KIAA0825: variants seen among roughly 807,000 people sequenced by gnomAD.
KIAA0825 encodes the protein KIAA0825.
Under a neutral mutation model 147.6 loss-of-function variants are expected in KIAA0825, and 119 were observed. That is an observed-to-expected ratio of 0.81 (90% confidence interval 0.69 to 0.94). The LOEUF (loss-of-function observed/expected upper bound fraction) is 0.94. Ranked by LOEUF, KIAA0825 falls within the 40% of genes least tolerant of loss-of-function variation. The probability of loss-of-function intolerance (pLI) is 0.00; values close to 1 mark genes in which losing one functional copy is unlikely to be tolerated. For missense variants in KIAA0825, 1,381 were observed against 1,472.7 expected (o/e 0.94, Z 1.02); for synonymous variants, 470 against 518.1 (o/e 0.91, Z 1.26).
intron 1 of KIAA0825, among the ~76,000 whole-genome samples, chr5:94,601,411 C>T (rs1215769734): frequency 6.6e-6 from 1 of 152,076 alleles, no homozygotes; most frequent in East Asian, 1.9e-4. Context: ...TCAGCAACCT[C>T]AAAGAATAAA....
intron 7 of KIAA0825, among the ~76,000 whole-genome samples, chr5:94,475,179 G>C (rs1347294605): frequency 6.6e-6 from 1 of 151,968 alleles, no homozygotes; most frequent in East Asian, 1.9e-4. Flanking sequence ...CATAGTTATA[G>C]CCCTGTGCTA....
intron 16 of KIAA0825, among the ~76,000 whole-genome samples, chr5:94,403,239 G>A (rs79852219): frequency 0.044 from 6,710 of 152,212 alleles, 191 homozygotes; most frequent in East Asian, 0.11. Context: ...TTTCTCTAGA[G>A]TATGGATTTT....
At chr5:94,212,040 T>G (rs1173068910) in intron 20 of KIAA0825, among the ~76,000 whole-genome samples, 2 of 152,210 alleles carry the variant, frequency 1.3e-5, no homozygotes, top group Admixed American at 1.3e-4. Flanking sequence ...ATGGCTGCCT[T>G]AATCTATGCT....
At chr5:94,504,524 C>A (rs906657615) in intron 5 of KIAA0825, among the ~76,000 whole-genome samples, 2 of 151,992 alleles carry the variant, frequency 1.3e-5, no homozygotes, top group Non-Finnish European at 2.9e-5. Context: ...TGAGTGATTC[C>A]AAAATGGTAT....
intron 1 of KIAA0825, among the ~76,000 whole-genome samples, chr5:94,595,994 T>C (rs929370920): frequency 1.3e-5 from 2 of 152,200 alleles, no homozygotes; most frequent in African/African-American, 4.8e-5. Context: ...GCCTGGACTT[T>C]ATTGCCAGAT....
chr5:94,410,084 T>G (rs187948859), intron 15 of KIAA0825, among the ~76,000 whole-genome samples: 1 of 151,180 alleles, frequency 6.6e-6, no homozygotes. Context: ...TAAGAATATT[T>G]AAATGAGAAG....
At chr5:94,214,266 G>A (rs189615724) in intron 20 of KIAA0825, among the ~76,000 whole-genome samples, 154 of 152,122 alleles carry the variant, frequency 1.0e-3, no homozygotes, top group African/African-American at 3.6e-3. Flanking sequence ...TGGAAAAGAG[G>A]ATCTCTATAA....
intron 12 of KIAA0825, among the ~76,000 whole-genome samples, chr5:94,453,339 A>ATTTTT (rs563316235): frequency 9.3e-5 from 11 of 118,236 alleles, no homozygotes; most frequent in Non-Finnish European, 8.7e-5. Context: ...CGTGTGGCTG[A>ATTTTT]TTTTTTTTTT....
At position 94,520,436 on chromosome 5, in the gene KIAA0825, G is replaced by A. The variant is rs1467761895; in HGVS notation, c.782C>T (p.Thr261Ile). Residue 261 changes from threonine to isoleucine, a missense_variant, in exon 5 of 21, where the codon ACA becomes ATA. Physicochemically the swap from Thr to Ile is moderately conservative, Grantham distance 89 (BLOSUM62 -1). Coordinates refer to ENST00000682413, the MANE Select transcript of KIAA0825 (RefSeq NM_001145678.3). Reference protein sequence around the residue: ...LYSVIKEDFNTLCEILAPSSM... With the variant: ...LYSVIKEDFNILCEILAPSSM... Reference sequence around the variant, plus strand: ...AGATGGAGCTAAAATTTCACATAGTGTGTTAAAATCCTCTTTTATTACTGA... The same window carrying A: ...AGATGGAGCTAAAATTTCACATAGTATGTTAAAATCCTCTTTTATTACTGA... 2 of 1,612,368 alleles carry A rather than the reference G, an allele frequency of 1.2e-6. No individual in the cohort carries two copies. Among genetic ancestry groups the A allele is most frequent in the Non-Finnish European group, 1.7e-6 (2 of 1,178,788 alleles).
intron 20 of KIAA0825, among the ~76,000 whole-genome samples, chr5:94,232,457 G>A (rs147215238): frequency 3.3e-5 from 5 of 152,176 alleles, no homozygotes; most frequent in African/African-American, 1.2e-4. Flanking sequence ...TTTTAGTTAT[G>A]TTTTAATAAA....
chr5:94,194,244 C>G (rs1280913704), intron 20 of KIAA0825, among the ~76,000 whole-genome samples: 2 of 152,154 alleles, frequency 1.3e-5, no homozygotes, highest in Non-Finnish European at 2.9e-5. Context: ...GGCCTTCACA[C>G]CACTCTCCTG....
chr5:94,190,315 T>TTTTG lies in KIAA0825; in HGVS notation c.3711-36195_3711-36192dup, dbSNP rs376464492. On this transcript the variant is annotated intron_variant, in intron 20 of 20. Coordinates refer to ENST00000682413, the MANE Select transcript of KIAA0825 (RefSeq NM_001145678.3). ...TGGCCAAAATATCTAATACGATGTTTTTTGTTTGTTTGTTTGTTTGTTTGT... is the reference window on the plus strand; with the variant it reads ...TGGCCAAAATATCTAATACGATGTTTTTTGTTTGTTTGTTTGTTTGTTTGTTTGT... Among the ~76,000 whole-genome samples the TTTTG allele has an allele frequency of 2.8e-3, 420 of 151,978 alleles. 3 individuals are homozygous for TTTTG. Among genetic ancestry groups the TTTTG allele is most frequent in the Admixed American group, 3.4e-3 (52 of 15,248 alleles).
At chr5:94,383,787 CTG>C (rs6149118) in intron 20 of KIAA0825, among the ~76,000 whole-genome samples, 8,029 of 145,170 alleles carry the variant, frequency 0.055, 217 homozygotes, top group Middle Eastern at 0.09. Context: ...TTATACTGCT[CTG>C]TGTGTGTGTG....
intron 8 of KIAA0825, 89 bp downstream of exon 8, chr5:94,473,203 T>C (rs1385078899): frequency 3.0e-6 from 3 of 1,008,518 alleles, no homozygotes; most frequent in Non-Finnish European, 4.4e-6. Flanking sequence ...GACTCCACCA[T>C]TTGATCTACA....
intron 20 of KIAA0825, among the ~76,000 whole-genome samples, chr5:94,283,488 A>G (rs1777546661): frequency 6.6e-6 from 1 of 152,104 alleles, no homozygotes; most frequent in Non-Finnish European, 1.5e-5. Flanking sequence ...GCCTTGGTTA[A>G]GATTCATGTT....
intron 20 of KIAA0825, among the ~76,000 whole-genome samples, chr5:94,289,846 C>A (rs1351626273): frequency 6.6e-6 from 1 of 151,488 alleles, no homozygotes; most frequent in Non-Finnish European, 1.5e-5. Flanking sequence ...TTGAGAGCAG[C>A]CAGGGCAATA....
At chr5:94,259,450 A>G (rs1486108090) in intron 20 of KIAA0825, among the ~76,000 whole-genome samples, 1 of 152,010 alleles carries the variant, frequency 6.6e-6, no homozygotes, top group African/African-American at 2.4e-5. Context: ...CTCATGAAAC[A>G]CACAGTGTAT....
At chr5:94,486,582 T>C (rs933445222) in intron 5 of KIAA0825, among the ~76,000 whole-genome samples, 1 of 152,142 alleles carries the variant, frequency 6.6e-6, no homozygotes, top group African/African-American at 2.4e-5. Context: ...AAAAACTCTG[T>C]TTCATCTCTA....
chr5:94,499,854 G>A lies in KIAA0825; in HGVS notation c.971-14924C>T, dbSNP rs1226574177. On this transcript the variant is annotated intron_variant, in intron 5 of 20. Coordinates refer to ENST00000682413, the MANE Select transcript of KIAA0825 (RefSeq NM_001145678.3). ...CTTAAGGTGCTTAGAGTCCATATGG[G>A]GAGACAGATCCCTAATTAGATATGT... Among the ~76,000 whole-genome samples, 6 of 152,180 alleles carry A rather than the reference G, an allele frequency of 3.9e-5. 1 individual carries two copies. Among genetic ancestry groups the A allele is most frequent in the Admixed American group, 3.3e-4 (5 of 15,280 alleles).
Sources: gnomAD v4.1 joint callset for allele counts (sites outside exome capture counted in the v4.1 genomes callset) on GRCh38, gnomAD v4.1.1 for gene constraint, MANE v1.5 for transcripts, NCBI Gene and HGNC (gene_info 2026-07-23, HGNC 2026-07-21) for gene names.